IQGAP3: variants seen among roughly 807,000 people sequenced by gnomAD.
IQGAP3 encodes the protein ras GTPase-activating-like protein IQGAP3.
IQGAP3 carries 165 observed loss-of-function variants against 208.2 expected under a neutral mutation model. The observed-to-expected ratio is 0.79, with a 90% confidence interval of 0.70 to 0.90. The LOEUF is 0.90. Ranked by LOEUF, IQGAP3 falls within the 40% of genes least tolerant of loss-of-function variation. The pLI, the probability that IQGAP3 is intolerant of heterozygous loss-of-function variation, is 0.00. For missense variants in IQGAP3, 1,811 were observed against 2,043.1 expected (o/e 0.89, Z 2.19); for synonymous variants, 703 against 803.6 (o/e 0.87, Z 2.12).
At chr1:156,571,465 GCA>G (rs145771295) in intron 1 of IQGAP3, among the ~76,000 whole-genome samples, 6 of 151,448 alleles carry the variant, frequency 4.0e-5, no homozygotes, top group Non-Finnish European at 7.4e-5. Flanking sequence ...ACACATGCGT[GCA>G]CACACACACA....
chr1:156,566,675 A>G, intron 2 of IQGAP3, 129 bp from the exon 3 acceptor site: 3 of 851,202 alleles, frequency 3.5e-6, no homozygotes, highest in East Asian at 2.7e-5. Flanking sequence ...TTCCTGCTCT[A>G]CCTCCAACTC....
In IQGAP3 at chr1:156,537,757, C is replaced by T. The variant is rs114363928; in HGVS notation, c.3282-436G>A. ...CTCTGTGGCTAGGTTTCCCTAGCAC[C>T]TAGGGACCTGAGTAATGACCCCAGG... On this transcript the variant is annotated intron_variant, in intron 26 of 37. Coordinates refer to ENST00000361170, the MANE Select transcript of IQGAP3 (RefSeq NM_178229.5). 6.4e-3 allele frequency among the ~76,000 whole-genome samples: 968 copies of T among 152,266 alleles called. 9 individuals are homozygous for T. Among genetic ancestry groups the T allele is most frequent in the African/African-American group, 0.022 (918 of 41,538 alleles).
chr1:156,561,528 A>G (rs1461269981), intron 10 of IQGAP3, among the ~76,000 whole-genome samples: 1 of 152,142 alleles, frequency 6.6e-6, no homozygotes, highest in East Asian at 1.9e-4. Flanking sequence ...CATAGACAAC[A>G]CGAATGTGTC....
chr1:156,554,109 CCA>C (rs1675699929), intron 13 of IQGAP3, 124 bp downstream of exon 13: 1 of 1,193,600 alleles, frequency 8.4e-7, no homozygotes, highest in Non-Finnish European at 1.2e-6. Context: ...GTGAACAGAC[CCA>C]GAGGGTGGGC....
chr1:156,547,779 T>C (rs990482792), intron 19 of IQGAP3, among the ~76,000 whole-genome samples: 3 of 152,216 alleles, frequency 2.0e-5, no homozygotes, highest in Admixed American at 6.5e-5. Context: ...TTAATCCTCA[T>C]AACAACTCTA....
At chr1:156,562,451 A>G in intron 9 of IQGAP3, 136 bp downstream of exon 9, 1 of 726,150 alleles carries the variant, frequency 1.4e-6, no homozygotes, top group South Asian at 1.7e-5. Context: ...TTGGACTCTG[A>G]TCTTTCTCCG....
At chr1:156,565,969 T>C in intron 4 of IQGAP3, 58 bp downstream of exon 4, 1 of 1,268,612 alleles carries the variant, frequency 7.9e-7, no homozygotes, top group South Asian at 1.2e-5. Context: ...AGCATGGGAT[T>C]GTGGGAGGTG....
rs756031780 is a variant in IQGAP3, at chr1:156,544,030, G to A, written c.2481C>T (p.Ile827=). 8 of 1,614,048 alleles carry A rather than the reference G, an allele frequency of 5.0e-6. No homozygotes were observed. In the Admixed American group the frequency reaches 1.3e-4, roughly 27 times the overall value. Residue 827 remains isoleucine, a synonymous_variant, in exon 22 of 38, where the codon ATC becomes ATT. Coordinates refer to ENST00000361170, the MANE Select transcript of IQGAP3 (RefSeq NM_178229.5). ...CTTTCCTGGCTCGGAAAAATGCCTG[G>A]ATCTTCACAATGGAGTTAACCTGCC... ...FQKNVNSIVK[I]QAFFRARKAQ...
intron 35 of IQGAP3, 96 bp downstream of exon 35, chr1:156,528,820 T>C (rs1674238348): frequency 1.4e-6 from 2 of 1,419,442 alleles, no homozygotes; most frequent in Non-Finnish European, 2.0e-6. Flanking sequence ...TGGGTGAGAT[T>C]CCCCTTTCAA....
rs371999661 is a variant in IQGAP3 at position 156,556,574 on chromosome 1, T to A, written c.1249A>T (p.Met417Leu). 6.2e-7 allele frequency: 1 copy of A among 1,613,652 alleles called. No homozygotes were observed. Among genetic ancestry groups the A allele is most frequent in the Non-Finnish European group, 8.5e-7 (1 of 1,179,636 alleles). Residue 417 changes from methionine (M) to leucine (L), a missense_variant, in exon 12 of 38, where the codon ATG becomes TTG. Met to Leu is a conservative substitution (Grantham distance 15, BLOSUM62 2). Coordinates refer to ENST00000361170, the MANE Select transcript of IQGAP3 (RefSeq NM_178229.5). ...LPPVYPVASS[M>L]YQLELAVLQQ... ...AGCACTGCCAGCTCCAGCTGGTACA[T>A]AGACGATGCAACAGGGTACACTGGA...
chr1:156,566,737 A>G (rs1260616786), intron 2 of IQGAP3, among the ~76,000 whole-genome samples, 191 bp from the exon 3 acceptor site: 1 of 151,896 alleles, frequency 6.6e-6, no homozygotes, highest in Admixed American at 6.6e-5. Context: ...GTTGCCCCAA[A>G]TATCTGGACT....
intron 34 of IQGAP3, 52 bp from the exon 35 acceptor site, chr1:156,529,134 C>A (rs1413856923): frequency 3.1e-6 from 5 of 1,589,844 alleles, no homozygotes; most frequent in Non-Finnish European, 4.3e-6. Flanking sequence ...GGCAGGAGAG[C>A]CTTAGGGCCT....
chr1:156,560,753 ATCTGTAGTG>A (rs756589339), intron 11 of IQGAP3, among the ~76,000 whole-genome samples, 172 bp downstream of exon 11: 2 of 152,202 alleles, frequency 1.3e-5, no homozygotes, highest in Non-Finnish European at 2.9e-5. Flanking sequence ...TAATGAACTT[ATCTGTAGTG>A]TCCCCCCAGG....
At chr1:156,527,224 TA>T (rs1487814365) in intron 37 of IQGAP3, among the ~76,000 whole-genome samples, 62 of 151,002 alleles carry the variant, frequency 4.1e-4, no homozygotes, top group South Asian at 1.1e-3. Context: ...CTCATGCCTG[TA>T]AATCCCAGCA....
chr1:156,531,019 A>G (rs1674367072), intron 33 of IQGAP3, 141 bp downstream of exon 33: 4 of 714,542 alleles, frequency 5.6e-6, no homozygotes, highest in Admixed American at 3.6e-5. Context: ...GTAGGCCTCC[A>G]GAGTTCTCAT....
intron 10 of IQGAP3, 28 bp from the exon 11 acceptor site, chr1:156,561,049 T>G (rs762133366): frequency 6.5e-7 from 1 of 1,544,732 alleles, no homozygotes; most frequent in Admixed American, 1.7e-5. Context: ...TACAGTAGAA[T>G]GGAGTCCTTC....
chr1:156,527,414 G>A (rs1400531137), intron 37 of IQGAP3, among the ~76,000 whole-genome samples: 1 of 152,002 alleles, frequency 6.6e-6, no homozygotes, highest in Non-Finnish European at 1.5e-5. Flanking sequence ...GGAGGCAGAG[G>A]TTGCAGTGAG....
At chr1:156,537,094 C>A (rs185411658) in intron 27 of IQGAP3, 87 bp downstream of exon 27, 30 of 1,419,226 alleles carry the variant, frequency 2.1e-5, no homozygotes, top group Middle Eastern at 1.9e-4. Context: ...TTCCTCCCTG[C>A]AGGACTATCA....
At chr1:156,548,043 C>A (rs1180140076) in intron 19 of IQGAP3, 30 bp downstream of exon 19, 2 of 1,602,770 alleles carry the variant, frequency 1.2e-6, no homozygotes. Context: ...AGCCCAGGCC[C>A]TGAAGACTGA....
Sources: allele counts gnomAD v4.1 joint callset (sites outside exome capture counted in the v4.1 genomes callset), GRCh38; gene constraint gnomAD v4.1.1; transcripts MANE v1.5; gene names NCBI Gene and HGNC (gene_info 2026-07-23, HGNC 2026-07-21).